Variants in GLT1D1 observed in about 807,000 individuals in gnomAD.
The protein encoded by GLT1D1 is glycosyltransferase 1 domain-containing protein 1.
GLT1D1 carries 21 observed loss-of-function variants against 28.7 expected under a neutral mutation model. That is an observed-to-expected ratio of 0.73 (90% confidence interval 0.52 to 1.05). The LOEUF is 1.05. Among genes scored for constraint, GLT1D1 ranks in the 50% least tolerant of loss-of-function variants. GLT1D1 has a pLI of 0.00. For missense variants in GLT1D1, 343 were observed against 330.6 expected (o/e 1.04, Z -0.29); for synonymous variants, 147 against 124.8 (o/e 1.18, Z -1.19).
rs975679769 is a variant in GLT1D1, at chr12:128,899,509, A to T, written c.375+222A>T. Reference sequence around the variant, plus strand: ...TGTTATTGAATGACAAAAGTAGCCCAGTAATGGTTGTATGTTGTTGTTGTT... The same window carrying T: ...TGTTATTGAATGACAAAAGTAGCCCTGTAATGGTTGTATGTTGTTGTTGTT... On this transcript the variant is annotated intron_variant, in intron 4 of 7. Coordinates refer to ENST00000281703, the MANE Select transcript of GLT1D1 (RefSeq NM_144669.3). 2.0e-5 allele frequency among the ~76,000 whole-genome samples: 3 copies of T among 150,084 alleles called. No individual in the cohort carries two copies. In the East Asian group the frequency reaches 5.8e-4, roughly 29 times the overall value.
intron 4 of GLT1D1, 75 bp from the exon 6 acceptor site, chr12:128,914,858 C>T (rs1871943169): frequency 2.0e-6 from 2 of 999,798 alleles, no homozygotes; most frequent in South Asian, 1.4e-5. Flanking sequence ...TAATAAGCCT[C>T]AACACAAAAT....
At chr12:128,933,711 C>T (rs1874200366) in intron 4 of GLT1D1, among the ~76,000 whole-genome samples, 1 of 152,148 alleles carries the variant, frequency 6.6e-6, no homozygotes, top group Non-Finnish European at 1.5e-5. Context: ...ACACCCTTCC[C>T]CTGACCACCC....
At chr12:128,928,939 T>C (rs1392277099) in intron 4 of GLT1D1, among the ~76,000 whole-genome samples, 2 of 152,118 alleles carry the variant, frequency 1.3e-5, no homozygotes, top group African/African-American at 4.8e-5. Flanking sequence ...GGGGTTTTTG[T>C]TCCAGGGTTG....
chr12:128,894,822 C>T (rs1395240895), intron 3 of GLT1D1, among the ~76,000 whole-genome samples: 4 of 151,582 alleles, frequency 2.6e-5, no homozygotes, highest in Non-Finnish European at 5.9e-5. Context: ...TGCACTCCAA[C>T]CTGGGTAACA....
At chr12:128,970,918 G>A (rs1660031858) in intron 7 of GLT1D1, among the ~76,000 whole-genome samples, 3 of 152,236 alleles carry the variant, frequency 2.0e-5, no homozygotes, top group Non-Finnish European at 2.9e-5. Flanking sequence ...ACTCTGATAT[G>A]GACTGGGTGC....
At position 128,888,645 on chromosome 12, in the gene GLT1D1, G is replaced by A. The variant is rs776480377; in HGVS notation, c.224G>A (p.Arg75Gln). The A allele has an allele frequency of 1.6e-5, 26 of 1,609,486 alleles. No homozygotes were observed. The highest frequency in any genetic ancestry group is 1.6e-4 in the Middle Eastern group (1 of 6,072). ...GACTGTCATCGTTTTGCAGGCCACC[G>A]AATCCCTTTTGGAGTCATCTTTGGT... is the stretch of plus-strand genomic sequence containing the variant. The change falls in exon 3 of 8, where the codon CGA (arginine) becomes CAA (glutamine). Residue 75 changes from arginine (R) to glutamine (Q), a missense_variant. By Grantham distance (43) the Arg-to-Gln change is conservative (BLOSUM62 1). Coordinates refer to ENST00000281703, the MANE Select transcript of GLT1D1 (RefSeq NM_144669.3).
chr12:128,860,353 C>G (rs759891208), intron 1 of GLT1D1, among the ~76,000 whole-genome samples: 1 of 152,096 alleles, frequency 6.6e-6, no homozygotes, highest in South Asian at 2.1e-4. Context: ...CCCAGCTACT[C>G]GGGAGGCTGA....
At chr12:128,962,391 T>C (rs542240886) in intron 7 of GLT1D1, among the ~76,000 whole-genome samples, 1 of 152,372 alleles carries the variant, frequency 6.6e-6, no homozygotes, top group East Asian at 1.9e-4. Flanking sequence ...GCAATGGCTA[T>C]AGCAGTGCAT....
chr12:128,945,293 C>G (rs756583986), intron 4 of GLT1D1, 33 bp from the exon 9 acceptor site: 3 of 1,611,652 alleles, frequency 1.9e-6, no homozygotes, highest in Non-Finnish European at 2.5e-6. Flanking sequence ...TAGCAGGCGG[C>G]GACCGCTGAC....
chr12:128,944,768 A>G lies in GLT1D1; in HGVS notation c.376-558A>G, dbSNP rs973288637. ...ATTTGGGATGAGTTTCCCTTGGTCA[A>G]TGAAAGCCTTGGCTAACACGTCAAT... On this transcript the variant is annotated intron_variant, in intron 4 of 7. Coordinates refer to ENST00000281703, the MANE Select transcript of GLT1D1 (RefSeq NM_144669.3). The G allele has an allele frequency of 8.2e-6, 4 of 485,294 alleles. No homozygotes were observed. In the Admixed American group the frequency reaches 8.8e-5, roughly 11 times the overall value. The allele number at this position is 485,294 out of a possible 1,614,324, so 30.1% of individuals were successfully genotyped here.
At chr12:128,959,525 A>G (rs1339051479) in intron 7 of GLT1D1, among the ~76,000 whole-genome samples, 1 of 151,116 alleles carries the variant, frequency 6.6e-6, no homozygotes, top group African/African-American at 2.4e-5. Context: ...GTCGCAAGGT[A>G]TCAGCAGGTC....
At chr12:128,863,945 CA>C (rs35052910) in intron 1 of GLT1D1, among the ~76,000 whole-genome samples, 5,899 of 56,102 alleles carry the variant, frequency 0.11, 112 homozygotes, top group African/African-American at 0.18. Flanking sequence ...GACTCCATCT[CA>C]AAAAAAAAAA....
intron 1 of GLT1D1, among the ~76,000 whole-genome samples, chr12:128,861,417 C>G (rs1956368927): frequency 6.6e-6 from 1 of 152,096 alleles, no homozygotes; most frequent in African/African-American, 2.4e-5. Flanking sequence ...AGTTGCATGC[C>G]TAGGGTATTG....
At chr12:128,982,889 C>T in intron 7 of GLT1D1, 40 bp from the exon 12 acceptor site, 1 of 1,603,402 alleles carries the variant, frequency 6.2e-7, no homozygotes, top group Non-Finnish European at 8.5e-7. Flanking sequence ...AATCTCCCTT[C>T]ATCAGTGATT....
chr12:128,901,937 A>G (rs1311741263), intron 4 of GLT1D1, among the ~76,000 whole-genome samples: 1 of 151,716 alleles, frequency 6.6e-6, no homozygotes, highest in African/African-American at 2.4e-5. Context: ...AAGTAAAATT[A>G]GAATTTTGGA....
intron 4 of GLT1D1, among the ~76,000 whole-genome samples, chr12:128,924,687 C>T (rs1378901632): frequency 6.6e-6 from 1 of 152,080 alleles, no homozygotes; most frequent in Non-Finnish European, 1.5e-5. Context: ...GAACTCCTGA[C>T]CTCAAGTGAT....
chr12:128,854,432 TGTGTG>T, intron 1 of GLT1D1, among the ~76,000 whole-genome samples: 2 of 151,092 alleles, frequency 1.3e-5, no homozygotes. Flanking sequence ...TGTGTGTGTG[TGTGTG>T]TAAAAGCGGA....
intron 4 of GLT1D1, among the ~76,000 whole-genome samples, chr12:128,935,609 T>A (rs1473859915): frequency 1.3e-5 from 2 of 151,760 alleles, no homozygotes; most frequent in African/African-American, 4.8e-5. Flanking sequence ...TGAGGCTGCA[T>A]ATGTTTTATT....
chr12:128,934,831 A>G (rs1874373537), intron 4 of GLT1D1, among the ~76,000 whole-genome samples: 1 of 152,054 alleles, frequency 6.6e-6, no homozygotes, highest in Admixed American at 6.5e-5. Context: ...AGCCCCACCC[A>G]TGCCTCAGTC....
Sources: allele counts gnomAD v4.1 joint callset (sites outside exome capture counted in the v4.1 genomes callset), GRCh38; gene constraint gnomAD v4.1.1; transcripts MANE v1.5; gene names NCBI Gene and HGNC (gene_info 2026-07-23, HGNC 2026-07-21).